Variants in TMEM217 observed in about 807,000 individuals in gnomAD.
TMEM217 encodes chromosome 6 open reading frame 128.
For missense variants in TMEM217, 204 were observed against 248.8 expected, an observed-to-expected ratio of 0.82 and a Z score of 1.21; for synonymous variants, 76 against 88.3, an observed-to-expected ratio of 0.86 and a Z score of 0.78.
At chr6:37,238,396 C>G (rs991047875) in intron 1 of TMEM217, among the ~76,000 whole-genome samples, 6 of 152,180 alleles carry the variant, frequency 3.9e-5, no homozygotes, top group Admixed American at 2.0e-4. Flanking sequence ...GTAGCAGACA[C>G]CGTTAGCTTC....
intron 1 of TMEM217, among the ~76,000 whole-genome samples, chr6:37,221,372 A>G (rs1383437848): frequency 2.0e-5 from 3 of 152,028 alleles, no homozygotes; most frequent in Non-Finnish European, 4.4e-5. Context: ...TTTTTAGTAG[A>G]GACGGGGTTT....
chr6:37,228,357 A>C (rs1763962730), intron 1 of TMEM217, among the ~76,000 whole-genome samples: 1 of 152,240 alleles, frequency 6.6e-6, no homozygotes, highest in Admixed American at 6.5e-5. Flanking sequence ...TTCAAACAAA[A>C]CATATTTGAG....
chr6:37,227,171 C>T (rs1583449860), intron 1 of TMEM217, among the ~76,000 whole-genome samples: 2 of 152,250 alleles, frequency 1.3e-5, no homozygotes, highest in African/African-American at 4.8e-5. Context: ...ATCCACTGAG[C>T]CCAGAGACTC....
In TMEM217 at chr6:37,219,831, A is replaced by G. The variant is rs115625353; in HGVS notation, c.-11-790T>C. ...TGCCTGTACTTGTTCAGACCTGAGT[A>G]CAGATGTTTCAGGATATAACCAGGG... On this transcript the variant is annotated intron_variant, in intron 1 of 1. Transcript: ENST00000357219. Among the ~76,000 whole-genome samples, 727 of 152,240 alleles carry G rather than the reference A, an allele frequency of 4.8e-3. 7 individuals are homozygous for G. Among genetic ancestry groups the G allele is most frequent in the African/African-American group, 0.016 (674 of 41,540 alleles).
intron 1 of TMEM217, among the ~76,000 whole-genome samples, chr6:37,255,374 G>A (rs931469884): frequency 6.6e-6 from 1 of 151,996 alleles, no homozygotes; most frequent in Non-Finnish European, 1.5e-5. Context: ...ACATGATATC[G>A]TCTACATTTT....
At chr6:37,257,905 C>G (rs1188118557) in exon 1 of TMEM217, 3 of 1,613,216 alleles carry the variant, frequency 1.9e-6, no homozygotes, top group Admixed American at 1.7e-5. Flanking sequence ...AAGGACTTCC[C>G]CCGGCCAGAG....
downstream of TMEM217, chr6:37,215,233 G>A (rs1763118852): frequency 6.2e-7 from 1 of 1,613,936 alleles, no homozygotes; most frequent in Middle Eastern, 1.7e-4. Flanking sequence ...CAGGTGCTGG[G>A]GGCTGAGCTT....
intron 1 of TMEM217, among the ~76,000 whole-genome samples, chr6:37,231,862 T>C (rs1405039522): frequency 6.6e-6 from 1 of 151,514 alleles, no homozygotes; most frequent in African/African-American, 2.4e-5. Context: ...TTCAGACCAT[T>C]ATTCTTCCTC....
chr6:37,256,474 T>C (rs1344365861), intron 1 of TMEM217, among the ~76,000 whole-genome samples: 1 of 152,078 alleles, frequency 6.6e-6, no homozygotes, highest in Non-Finnish European at 1.5e-5. Context: ...ATTAAAAGAA[T>C]AGAGGGGCTT....
downstream of TMEM217, among the ~76,000 whole-genome samples, chr6:37,213,182 C>T (rs1315158968): frequency 1.3e-5 from 2 of 152,246 alleles, no homozygotes; most frequent in Non-Finnish European, 2.9e-5. Flanking sequence ...GATGTGACCA[C>T]ATCATTGAGA....
downstream of TMEM217, among the ~76,000 whole-genome samples, chr6:37,216,028 T>TGA (rs1282959579): frequency 3.2e-3 from 375 of 116,148 alleles, no homozygotes; most frequent in African/African-American, 0.012. Context: ...TGTGTGTGTG[T>TGA]GTGTGAGAAA....
intron 1 of TMEM217, among the ~76,000 whole-genome samples, chr6:37,241,169 G>T (rs1764747504): frequency 6.7e-6 from 1 of 149,706 alleles, no homozygotes; most frequent in African/African-American, 2.5e-5. Flanking sequence ...CACAATCTTG[G>T]CTCACTGCAC....
intron 1 of TMEM217, among the ~76,000 whole-genome samples, chr6:37,227,928 A>C (rs750667134): frequency 2.6e-5 from 4 of 152,146 alleles, no homozygotes; most frequent in African/African-American, 4.8e-5. Context: ...TCCAATACTG[A>C]GATTTAAAAA....
In TMEM217 at chr6:37,237,413, C is replaced by A. The variant is rs531848340; in HGVS notation, c.-11-18372G>T. 1.3e-4 allele frequency among the ~76,000 whole-genome samples: 20 copies of A among 152,324 alleles called. No individual in the cohort carries two copies. In the South Asian group the frequency reaches 4.1e-3, roughly 32 times the overall value. On this transcript the variant is annotated intron_variant, in intron 1 of 1. Transcript: ENST00000357219. Reference sequence around the variant, plus strand: ...TCAAAATCTTTATTGGTCAGCCTCTCTCTGGTAGCCCACTGTAAATATCTG... The same window carrying A: ...TCAAAATCTTTATTGGTCAGCCTCTATCTGGTAGCCCACTGTAAATATCTG...
chr6:37,215,994 GGTGTGTGT>G (rs60725183), downstream of TMEM217, among the ~76,000 whole-genome samples: 18 of 149,080 alleles, frequency 1.2e-4, no homozygotes, highest in African/African-American at 4.0e-4. Context: ...GGTTCTTCAG[GGTGTGTGT>G]GTGTGTGTGT....
rs2113866958 is a variant in TMEM217, at chr6:37,234,633, G to A, written c.-11-15592C>T. On this transcript the variant is annotated intron_variant, in intron 1 of 1. Transcript: ENST00000357219. ...TGTTTGTAGTCCCAGCTACTCAGGA[G>A]TCTGAGGCAAGAGAATTACTTGAAC... is the stretch of plus-strand genomic sequence containing the variant. 2.0e-5 allele frequency among the ~76,000 whole-genome samples: 3 copies of A among 152,218 alleles called. No homozygotes were observed. In the East Asian group the frequency reaches 5.8e-4, roughly 29 times the overall value.
intron 1 of TMEM217, among the ~76,000 whole-genome samples, chr6:37,232,174 G>C (rs1453775276): frequency 6.6e-6 from 1 of 152,050 alleles, no homozygotes. Flanking sequence ...GGGTACAAAA[G>C]GACGCTTCGT....
At chr6:37,257,818 CG>C (rs1382316020) in exon 1 of TMEM217, 1 of 1,350,644 alleles carries the variant, frequency 7.4e-7, no homozygotes, top group Non-Finnish European at 1.0e-6. Flanking sequence ...TGACCGGCGG[CG>C]GGGAAGCGGC....
At chr6:37,237,082 T>C (rs1162888755) in intron 1 of TMEM217, among the ~76,000 whole-genome samples, 2 of 152,130 alleles carry the variant, frequency 1.3e-5, no homozygotes, top group Non-Finnish European at 2.9e-5. Context: ...AGAAGTCCCA[T>C]AGCAACACGT....
Sources: allele counts gnomAD v4.1 joint callset (sites outside exome capture counted in the v4.1 genomes callset), GRCh38; gene constraint gnomAD v4.1.1; transcripts MANE v1.5; gene names NCBI Gene and HGNC (gene_info 2026-07-23, HGNC 2026-07-21).